CCDC141: variants seen among roughly 807,000 people sequenced by gnomAD.
The protein encoded by CCDC141 is coiled-coil domain containing 141, also known as coiled-coil domain-containing protein 141.
In CCDC141, 168 loss-of-function variants were observed where a neutral mutation model predicts 181.0. The observed-to-expected ratio is 0.93, with a 90% CI of 0.82 to 1.05. CCDC141 has a LOEUF of 1.05. Ranked by LOEUF, CCDC141 falls within the 50% of genes least tolerant of loss-of-function variation. CCDC141 has a pLI of 0.00. For missense variants in CCDC141, 1,902 were observed against 1,788.5 expected (o/e 1.06, Z -1.14); for synonymous variants, 666 against 642.3 (o/e 1.04, Z -0.56).
rs372308675 is a variant in CCDC141, at chr2:178,867,814, T to C, written c.2574+212A>G. ...CTTTAAAAATTTTTTTTCATGAAAA[T>C]AGAGGTATTCAACAAGACTTTTACA... On this transcript the variant is annotated intron_variant, in intron 16 of 23. Coordinates refer to ENST00000443758, the MANE Select transcript of CCDC141 (RefSeq NM_173648.4). Among the ~76,000 whole-genome samples, 4 of 152,212 alleles carry C rather than the reference T, an allele frequency of 2.6e-5. No individual in the cohort carries two copies. In the East Asian group the frequency reaches 5.8e-4, roughly 22 times the overall value.
intron 12 of CCDC141, chr2:178,873,947 A>C (rs1686241218): frequency 6.6e-6 from 1 of 152,216 alleles, no homozygotes; most frequent in East Asian, 1.9e-4. Flanking sequence ...TAGCACTTTC[A>C]TCAAGATGTC....
chr2:179,039,178 A>AT (rs1256896354), intron 2 of CCDC141, among the ~76,000 whole-genome samples: 1 of 152,070 alleles, frequency 6.6e-6, no homozygotes, highest in Non-Finnish European at 1.5e-5. Flanking sequence ...ACAGGAAAAT[A>AT]TTTTTTCTTT....
intron 19 of CCDC141, among the ~76,000 whole-genome samples, chr2:178,854,624 G>A (rs1241000292): frequency 6.6e-6 from 1 of 152,172 alleles, no homozygotes; most frequent in Non-Finnish European, 1.5e-5. Flanking sequence ...GACTCTGTTA[G>A]AAGTTGGTTT....
At chr2:178,931,564 C>G (rs923462877) in intron 6 of CCDC141, among the ~76,000 whole-genome samples, 8 of 152,114 alleles carry the variant, frequency 5.3e-5, no homozygotes, top group African/African-American at 1.9e-4. Flanking sequence ...AATTCAGACA[C>G]AAAAAGCCAT....
Position 178,886,754 on chromosome 2 carries a change from T to C in CCDC141, c.1525A>G (p.Lys509Glu). Residue 509 changes from lysine to glutamate, a missense_variant and splice_region_variant, in exon 10 of 24, where the codon AAG becomes GAG. Transcript: ENST00000443758. ...ATAATCATTCTCATTTTATTTACCTTAGCTTGGATATCTAGTTCCAGATAT... is the reference window on the plus strand; with the variant it reads ...ATAATCATTCTCATTTTATTTACCTCAGCTTGGATATCTAGTTCCAGATAT... Reference protein sequence around the residue: ...NKYLELDIQAKETSHELEAAA... With the variant: ...NKYLELDIQAEETSHELEAAA... 1 of 1,432,806 alleles carries C rather than the reference T, an allele frequency of 7.0e-7. No individual in the cohort carries two copies. Among genetic ancestry groups the C allele is most frequent in the South Asian group, 1.3e-5 (1 of 74,584 alleles). 88.8% of individuals were successfully genotyped at this position (1,432,806 alleles called of 1,614,324 possible).
the CCDC141 span, among the ~76,000 whole-genome samples, chr2:178,822,277 G>A: frequency 1.3e-5 from 2 of 151,786 alleles, no homozygotes; most frequent in Non-Finnish European, 2.9e-5. Flanking sequence ...GGAGTGGGGA[G>A]GGATAGCATT....
At chr2:178,932,841 T>C (rs1689151771) in intron 6 of CCDC141, among the ~76,000 whole-genome samples, 1 of 152,210 alleles carries the variant, frequency 6.6e-6, no homozygotes, top group African/African-American at 2.4e-5. Context: ...GCTCTACTGA[T>C]GACAATTATG....
intron 7 of CCDC141, among the ~76,000 whole-genome samples, chr2:178,912,530 G>T (rs374205095): frequency 6.6e-6 from 1 of 152,032 alleles, no homozygotes; most frequent in African/African-American, 2.4e-5. Context: ...TACTTGCTGT[G>T]GTTTAAACAG....
chr2:178,953,785 T>C (rs1440536332), intron 5 of CCDC141, among the ~76,000 whole-genome samples: 3 of 152,202 alleles, frequency 2.0e-5, no homozygotes, highest in Non-Finnish European at 4.4e-5. Context: ...TGTTCAGTCA[T>C]TCAAGTTCTA....
At chr2:179,040,719 C>T (rs2043274448) in intron 2 of CCDC141, among the ~76,000 whole-genome samples, 1 of 152,214 alleles carries the variant, frequency 6.6e-6, no homozygotes, top group Non-Finnish European at 1.5e-5. Context: ...TGATCTCATT[C>T]CTGTTTATGG....
intron 2 of CCDC141, among the ~76,000 whole-genome samples, chr2:179,034,300 T>C (rs1381269372): frequency 1.3e-5 from 2 of 151,956 alleles, no homozygotes; most frequent in African/African-American, 2.4e-5. Context: ...TGATGACAGA[T>C]GGAAATGGAC....
intron 4 of CCDC141, among the ~76,000 whole-genome samples, chr2:178,963,414 T>G (rs10173117): frequency 0.18 from 26,742 of 147,420 alleles, 4,057 homozygotes; most frequent in African/African-American, 0.41. Flanking sequence ...AAATATACTG[T>G]TTTTTTTTGT....
intron 11 of CCDC141, among the ~76,000 whole-genome samples, chr2:178,881,777 C>T (rs769136209): frequency 6.6e-6 from 1 of 151,862 alleles, no homozygotes; most frequent in African/African-American, 2.4e-5. Context: ...ACCTGTAGTC[C>T]CAGCTACCTG....
intron 2 of CCDC141, among the ~76,000 whole-genome samples, chr2:179,018,597 C>A (rs1188759039): frequency 2.0e-5 from 3 of 152,146 alleles, no homozygotes; most frequent in Admixed American, 6.6e-5. Context: ...GCCTTCAAGT[C>A]CCAATTACAA....
chr2:179,013,435 C>T (rs1392140473), intron 2 of CCDC141, among the ~76,000 whole-genome samples: 2 of 151,978 alleles, frequency 1.3e-5, no homozygotes, highest in Non-Finnish European at 2.9e-5. Context: ...ACAAGGAAAA[C>T]TACAAAACAC....
chr2:179,011,731 C>T (rs900029192), intron 2 of CCDC141, among the ~76,000 whole-genome samples: 12 of 152,040 alleles, frequency 7.9e-5, no homozygotes, highest in Admixed American at 1.3e-4. Flanking sequence ...GGCCATAAAA[C>T]GAGCCTTAAT....
At position 178,837,046 on chromosome 2, in the gene CCDC141, C is replaced by T. The variant is rs748731436; in HGVS notation, c.4173G>A (p.Glu1391=). The T allele has an allele frequency of 1.9e-6, 3 of 1,613,920 alleles. No individual in the cohort carries two copies. The highest frequency in any genetic ancestry group is 2.5e-6 in the Non-Finnish European group (3 of 1,179,968). The part of the protein sequence containing the change: ...GYQRQMVPRE[E]IKSTSAKSSV... ...TGCTCTTTGCTGATGTGCTTTTAAT[C>T]TCTTCTCGAGGAACCATTTGCCTCT... Residue 1391 remains glutamate (E), a synonymous_variant, in exon 23 of 24, where the codon GAG becomes GAA. Transcript: ENST00000443758.
intron 3 of CCDC141, among the ~76,000 whole-genome samples, chr2:178,975,732 C>CA (rs1369405372): frequency 1.3e-5 from 2 of 151,464 alleles, no homozygotes; most frequent in Non-Finnish European, 2.9e-5. Context: ...TTATACAAAG[C>CA]AAAAAAATAT....
chr2:178,972,934 A>C (rs545336972), intron 4 of CCDC141, among the ~76,000 whole-genome samples: 17 of 152,302 alleles, frequency 1.1e-4, no homozygotes, highest in African/African-American at 4.1e-4. Flanking sequence ...AATTGAAATA[A>C]AGTGACTATT....
Sources: gnomAD v4.1 joint callset for allele counts (sites outside exome capture counted in the v4.1 genomes callset) on GRCh38, gnomAD v4.1.1 for gene constraint, MANE v1.5 for transcripts, NCBI Gene and HGNC (gene_info 2026-07-23, HGNC 2026-07-21) for gene names.